Variants in PCDHGB4 observed in about 807,000 individuals in gnomAD.
PCDHGB4 encodes the protein protocadherin gamma subfamily B, 4.
PCDHGB4 carries 38 observed loss-of-function variants against 60.5 expected under a neutral mutation model. The observed-to-expected ratio is 0.63, with a 90% CI of 0.48 to 0.82. The LOEUF is 0.82. Ranked by LOEUF, PCDHGB4 falls within the 40% of genes least tolerant of loss-of-function variation. The pLI, the probability that PCDHGB4 is intolerant of heterozygous loss-of-function variation, is 0.00. For missense variants in PCDHGB4, 1,109 were observed against 1,209.6 expected, an observed-to-expected ratio of 0.92 and a Z score of 1.23; for synonymous variants, 456 against 509.7, an observed-to-expected ratio of 0.89 and a Z score of 1.42.
intron 1 of PCDHGB4, among the ~76,000 whole-genome samples, chr5:141,492,782 C>T (rs2099743868): frequency 6.6e-6 from 1 of 152,258 alleles, no homozygotes; most frequent in Non-Finnish European, 1.5e-5. Context: ...GAGTGAGCCT[C>T]TATAGGACAG....
chr5:141,429,421 C>T (rs1223756901), intron 1 of PCDHGB4, among the ~76,000 whole-genome samples: 1 of 151,486 alleles, frequency 6.6e-6, no homozygotes, highest in Non-Finnish European at 1.5e-5. Context: ...CATTATGTTG[C>T]CCAGGCTGGA....
At chr5:141,447,433 C>T (rs756021616) in intron 1 of PCDHGB4, among the ~76,000 whole-genome samples, 5 of 152,118 alleles carry the variant, frequency 3.3e-5, no homozygotes, top group African/African-American at 7.2e-5. Context: ...CCACCGCACC[C>T]GGAGGAAATT....
chr5:141,485,867 G>A lies in PCDHGB4; in HGVS notation c.2398-8940G>A. On this transcript the variant is annotated intron_variant, in intron 1 of 3. Coordinates refer to ENST00000519479, the MANE Select transcript of PCDHGB4 (RefSeq NM_003736.4). The surrounding 1 kb of genome is among the most constrained non-coding windows in gnomAD (Gnocchi z 5.7). ...TGGCACCGCAGAGCTCCGGGTATCC[G>A]TGCTGGACGTAAACGACAACGCCCC... The A allele has an allele frequency of 1.9e-6, 3 of 1,614,164 alleles. No homozygotes were observed. Among genetic ancestry groups the A allele is most frequent in the Non-Finnish European group, 8.5e-7 (1 of 1,180,040 alleles).
chr5:141,492,111 C>T (rs2154587044), intron 1 of PCDHGB4, among the ~76,000 whole-genome samples: 1 of 152,320 alleles, frequency 6.6e-6, no homozygotes, highest in South Asian at 2.1e-4. Context: ...ATTTCCTCTT[C>T]GATTTCTCCC....
At position 141,388,459 on chromosome 5, in the gene PCDHGB4, C is replaced by G; in HGVS notation, c.575C>G (p.Pro192Arg). Residue 192 changes from proline (P) to arginine (R), a missense_variant, in exon 1 of 4, where the codon CCT (proline) becomes CGT (arginine). Around this residue, in one of 2 missense-constraint regions of PCDHGB4, gnomAD observed 1,068 missense variants for 1,089.9 expected, o/e 0.98. Transcript: ENST00000519479. ...GAGAAATCAGATGGCAGTAAATACCCTGAGATGGTATTGAAGACACCTTTG... is the reference window on the plus strand; with the variant it reads ...GAGAAATCAGATGGCAGTAAATACCGTGAGATGGTATTGAAGACACCTTTG... ...NKEKSDGSKYPEMVLKTPLDR... is the reference protein window; with the variant it reads ...NKEKSDGSKYREMVLKTPLDR... The G allele has an allele frequency of 6.2e-7, 1 of 1,613,696 alleles. No homozygotes were observed. The highest frequency in any genetic ancestry group is 8.5e-7 in the Non-Finnish European group (1 of 1,179,794).
intron 1 of PCDHGB4, among the ~76,000 whole-genome samples, chr5:141,430,204 AATT>A (rs1179966513): frequency 6.6e-6 from 1 of 151,962 alleles, no homozygotes; most frequent in African/African-American, 2.4e-5. Context: ...AGAAAGTTTA[AATT>A]ATTATATTAT....
intron 1 of PCDHGB4, chr5:141,407,897 A>T (rs1178644193): frequency 4.9e-6 from 2 of 405,126 alleles, no homozygotes; most frequent in African/African-American, 4.1e-5. Context: ...CCGAATTCAA[A>T]ATGAAAAACC....
chr5:141,389,107 T>C lies in PCDHGB4; in HGVS notation c.1223T>C (p.Leu408Pro), dbSNP rs1349471179. The C allele has an allele frequency of 1.2e-6, 2 of 1,613,940 alleles. No homozygotes were observed. Among genetic ancestry groups the C allele is most frequent in the Non-Finnish European group, 8.5e-7 (1 of 1,179,904 alleles). Reference sequence around the variant, plus strand: ...TATAAATTAGTGACAGATGCTGTTCTAGACCGCGAGCAGAATCCAGAGTAC... The same window carrying C: ...TATAAATTAGTGACAGATGCTGTTCCAGACCGCGAGCAGAATCCAGAGTAC... The part of the protein sequence containing the change: ...NTYKLVTDAV[L>P]DREQNPEYNI... The change falls in exon 1 of 4, where the codon CTA becomes CCA. Residue 408 changes from leucine (L) to proline (P), a missense_variant. Physicochemically the swap from Leu to Pro is moderately conservative, Grantham distance 98. Transcript: ENST00000519479.
chr5:141,495,005 C>A, intron 2 of PCDHGB4, 140 bp downstream of exon 2: 1 of 1,522,810 alleles, frequency 6.6e-7, no homozygotes. Context: ...TCTTGGTGTG[C>A]GGGGGGCTGG....
rs1253708084 is a variant in PCDHGB4 at position 141,388,788 on chromosome 5, T to C, written c.904T>C (p.Leu302=). 1.2e-6 allele frequency: 2 copies of C among 1,613,942 alleles called. No individual in the cohort carries two copies. Among genetic ancestry groups the C allele is most frequent in the Non-Finnish European group, 1.7e-6 (2 of 1,179,846 alleles). ...CTCTAACACCGGGGAAATTACTGTTTTAAATACATTAGATTTTGAAGAAGT... is the reference window on the plus strand; with the variant it reads ...CTCTAACACCGGGGAAATTACTGTTCTAAATACATTAGATTTTGAAGAAGT... ...LNSNTGEITV[L]NTLDFEEVKE... The change falls in exon 1 of 4, where the codon TTA becomes CTA. Residue 302 remains leucine (L), a synonymous_variant. Transcript: ENST00000519479.
chr5:141,395,363 T>C (rs2093221465), intron 1 of PCDHGB4: 2 of 1,278,044 alleles, frequency 1.6e-6, no homozygotes, highest in Admixed American at 5.9e-5. Context: ...GTTTTGGGTT[T>C]ATTTTGGTGG....
chr5:141,394,679 C>T (rs532730881), intron 1 of PCDHGB4: 1 of 1,612,552 alleles, frequency 6.2e-7, no homozygotes, highest in African/African-American at 1.3e-5. Context: ...TGGGTCTGCA[C>T]ACGGGCGAGG....
intron 1 of PCDHGB4, chr5:141,419,468 C>T: frequency 6.2e-7 from 1 of 1,612,484 alleles, no homozygotes; most frequent in Non-Finnish European, 8.5e-7. Flanking sequence ...GGCCCGCGAC[C>T]AGGGCTCGCC....
At chr5:141,456,615 A>G (rs561978043) in intron 1 of PCDHGB4, among the ~76,000 whole-genome samples, 3 of 152,318 alleles carry the variant, frequency 2.0e-5, no homozygotes, top group East Asian at 3.9e-4. Flanking sequence ...AAGTCCCTGT[A>G]GATTTGCCTC....
intron 1 of PCDHGB4, chr5:141,415,721 G>A (rs1201366552): frequency 3.0e-6 from 2 of 675,878 alleles, no homozygotes; most frequent in Admixed American, 7.4e-5. Context: ...CTGATGAGTA[G>A]AATTTGATGT....
At chr5:141,471,942 A>G (rs1163887457) in intron 1 of PCDHGB4, among the ~76,000 whole-genome samples, 1 of 152,192 alleles carries the variant, frequency 6.6e-6, no homozygotes, top group Non-Finnish European at 1.5e-5. Flanking sequence ...AGAGTTTTCT[A>G]AAACTGGATT....
intron 1 of PCDHGB4, chr5:141,415,094 A>T: frequency 1.9e-6 from 3 of 1,613,530 alleles, no homozygotes; most frequent in Non-Finnish European, 2.5e-6. Flanking sequence ...CTGGACAGAG[A>T]CGCGCTCAAG....
rs1182835621 is a variant in PCDHGB4, at chr5:141,389,664, G to A, written c.1780G>A (p.Ala594Thr). 8 of 1,612,210 alleles carry A rather than the reference G, an allele frequency of 5.0e-6. No homozygotes were observed. The highest frequency in any genetic ancestry group is 1.7e-5 in the Admixed American group (1 of 60,014). ...YLVTKVVAVD[A>T]DSGHNAWLSY... is the part of the protein sequence containing the mutation. ...GGTGACCAAGGTAGTGGCGGTGGAC[G>A]CAGACTCAGGACACAACGCCTGGCT... Residue 594 changes from alanine to threonine, a missense_variant, in exon 1 of 4, where the codon GCA becomes ACA. Transcript: ENST00000519479.
chr5:141,410,245 C>T, intron 1 of PCDHGB4: 1 of 1,614,038 alleles, frequency 6.2e-7, no homozygotes. Context: ...GCCCTGTACT[C>T]TCTGACCCCC....
Sources: allele counts gnomAD v4.1 joint callset (sites outside exome capture counted in the v4.1 genomes callset), GRCh38; gene constraint gnomAD v4.1.1; regional missense constraint gnomAD v4.1.1; non-coding constraint Gnocchi (gnomAD v3.1); transcripts MANE v1.5; gene names NCBI Gene and HGNC (gene_info 2026-07-23, HGNC 2026-07-21).